Variants in YPEL5 observed in about 807,000 individuals in gnomAD.
The protein encoded by YPEL5 is protein yippee-like 5.
A neutral mutation model predicts 10.5 loss-of-function variants in YPEL5; 1 was observed. The observed-to-expected ratio is 0.10, with a 90% CI of 0.03 to 0.45. The LOEUF (loss-of-function observed/expected upper bound fraction) is 0.45, where lower values mean the gene tolerates loss of function less well. Among genes scored for constraint, YPEL5 ranks in the 20% least tolerant of loss-of-function variants. The pLI, the probability that YPEL5 is intolerant of heterozygous loss-of-function variation, is 0.97. For missense variants in YPEL5, 68 were observed against 159.3 expected, an observed-to-expected ratio of 0.43 and a Z score of 3.09; for synonymous variants, 61 against 56.6, an observed-to-expected ratio of 1.08 and a Z score of -0.35.
rs1444475987 is a variant in YPEL5 at position 30,159,442 on chromosome 2, AC to A, written c.*601del. 6.5e-6 allele frequency: 1 copy of A among 152,804 alleles called. No homozygotes were observed. Among genetic ancestry groups the A allele is most frequent in the Non-Finnish European group, 1.5e-5 (1 of 68,204 alleles). 9.5% of individuals were successfully genotyped at this position (152,804 alleles called of 1,614,324 possible). ...ATGTCACCATTCCTAGTTATTTGTC[AC>A]CACATAATTGGTGTTGATTGGAAAC... On this transcript the variant is annotated 3_prime_UTR_variant, in exon 3 of 3. Transcript: ENST00000261353.
At chr2:30,150,259 A>G (rs1180632233) in intron 1 of YPEL5, among the ~76,000 whole-genome samples, 3 of 152,228 alleles carry the variant, frequency 2.0e-5, no homozygotes, top group Admixed American at 2.0e-4. Context: ...GGGATGGGGA[A>G]TGTTGAAGAA....
chr2:30,154,368 G>T (rs1474468443), intron 1 of YPEL5, among the ~76,000 whole-genome samples: 1 of 151,992 alleles, frequency 6.6e-6, no homozygotes, highest in African/African-American at 2.4e-5. Context: ...ATTGGTTCAA[G>T]GACCAAAGAG....
intron 1 of YPEL5, chr2:30,156,356 A>G (rs965739885): frequency 3.3e-6 from 1 of 300,464 alleles, no homozygotes; most frequent in Non-Finnish European, 6.2e-6. Flanking sequence ...CACACCAGCC[A>G]TAAGAGAAGT....
At chr2:30,148,753 AAAAT>A (rs1484961954) in intron 1 of YPEL5, among the ~76,000 whole-genome samples, 3 of 152,232 alleles carry the variant, frequency 2.0e-5, no homozygotes, top group South Asian at 4.1e-4. Context: ...AGTAATGAGA[AAAAT>A]AAACAGGTTT....
intron 1 of YPEL5, among the ~76,000 whole-genome samples, chr2:30,148,826 A>C (rs748431994): frequency 3.3e-5 from 5 of 152,246 alleles, no homozygotes; most frequent in Non-Finnish European, 7.3e-5. Flanking sequence ...TAAAGCAGCT[A>C]CTACCCTCTG....
intron 1 of YPEL5, among the ~76,000 whole-genome samples, chr2:30,151,076 T>G (rs1675764965): frequency 6.6e-6 from 1 of 152,158 alleles, no homozygotes; most frequent in African/African-American, 2.4e-5. Context: ...CCTTCCCAGC[T>G]TTTAAGGAAA....
At chr2:30,151,879 CT>C (rs1269570584) in intron 1 of YPEL5, among the ~76,000 whole-genome samples, 3 of 152,170 alleles carry the variant, frequency 2.0e-5, no homozygotes, top group Admixed American at 2.0e-4. Context: ...CTGAAGAGAT[CT>C]GGGATTACTC....
At chr2:30,156,846 C>T in intron 2 of YPEL5, 54 bp downstream of exon 2, 1 of 1,595,290 alleles carries the variant, frequency 6.3e-7, no homozygotes, top group Non-Finnish European at 8.6e-7. Flanking sequence ...TATTTGACAG[C>T]AACACCAGAA....
intron 1 of YPEL5, among the ~76,000 whole-genome samples, chr2:30,150,946 A>G (rs1186058305): frequency 6.6e-6 from 1 of 152,184 alleles, no homozygotes; most frequent in Non-Finnish European, 1.5e-5. Flanking sequence ...CTCAAGTGTG[A>G]ATGTCATATA....
chr2:30,149,925 T>C (rs746419354), intron 1 of YPEL5, among the ~76,000 whole-genome samples: 4 of 152,244 alleles, frequency 2.6e-5, no homozygotes, highest in Admixed American at 6.5e-5. Flanking sequence ...ACTGGGTGTT[T>C]TTCCGTCAGA....
intron 1 of YPEL5, among the ~76,000 whole-genome samples, chr2:30,154,682 A>G (rs891529655): frequency 6.6e-6 from 1 of 152,246 alleles, no homozygotes; most frequent in Non-Finnish European, 1.5e-5. Flanking sequence ...TACCAAATGA[A>G]TTCAGCCTGT....
intron 2 of YPEL5, 51 bp downstream of exon 2, chr2:30,156,843 C>G: frequency 6.3e-7 from 1 of 1,597,452 alleles, no homozygotes; most frequent in Non-Finnish European, 8.6e-7. Context: ...CTGTATTTGA[C>G]AGCAACACCA....
In YPEL5 at chr2:30,159,353, T is replaced by C. The variant is rs1389336449; in HGVS notation, c.*510T>C. 1 of 154,342 alleles carries C rather than the reference T, an allele frequency of 6.5e-6. No individual in the cohort carries two copies. Among genetic ancestry groups the C allele is most frequent in the Non-Finnish European group, 1.4e-5 (1 of 69,230 alleles). 9.6% of individuals were successfully genotyped at this position (154,342 alleles called of 1,614,324 possible). On this transcript the variant is annotated 3_prime_UTR_variant, in exon 3 of 3. Transcript: ENST00000261353. ...ATGGCTTGTGCTGGCCGGTGTGCCA[T>C]ATTCTTGTTGGAGATGAACCGTAGC... is the stretch of plus-strand genomic sequence containing the variant.
In YPEL5 at chr2:30,156,684, T is replaced by G; in HGVS notation, c.33T>G (p.Gly11=). 1 of 1,614,192 alleles carries G rather than the reference T, an allele frequency of 6.2e-7. No homozygotes were observed. The highest frequency in any genetic ancestry group is 8.5e-7 in the Non-Finnish European group (1 of 1,180,020). Residue 11 remains glycine, a synonymous_variant, in exon 2 of 3, where the codon GGT becomes GGG. Coordinates refer to ENST00000261353, the MANE Select transcript of YPEL5 (RefSeq NM_016061.3). The stretch of plus-strand genomic sequence containing the variant: ...GAATTTTCCTTGATCATATCGGTGG[T>G]ACCCGTCTGTTTTCTTGTGCAAACT... The part of the protein sequence containing the change: MGRIFLDHIG[G]TRLFSCANCD...
chr2:30,156,403 C>G (rs1676041071), intron 1 of YPEL5: 4 of 431,538 alleles, frequency 9.3e-6, no homozygotes, highest in Non-Finnish European at 8.3e-6. Flanking sequence ...AGGTTTACTT[C>G]CTTGGCTCAC....
chr2:30,156,535 A>G, intron 1 of YPEL5, 93 bp from the exon 2 acceptor site: 1 of 1,162,374 alleles, frequency 8.6e-7, no homozygotes, highest in South Asian at 1.4e-5. Flanking sequence ...GATTACATAA[A>G]TACGTATACA....
intron 1 of YPEL5, among the ~76,000 whole-genome samples, chr2:30,152,884 T>G (rs1675868260): frequency 1.5e-4 from 1 of 6,650 alleles, no homozygotes; most frequent in Non-Finnish European, 2.6e-4. Context: ...TTAATGACTG[T>G]CCTTTGTTTT....
At chr2:30,148,258 A>G (rs1221752652) in intron 1 of YPEL5, 1 of 152,216 alleles carries the variant, frequency 6.6e-6, no homozygotes. Flanking sequence ...TCTGTTGGTA[A>G]TCTGAGGATT....
In YPEL5 at chr2:30,159,699, G is replaced by A. The variant is rs1046831655; in HGVS notation, c.*856G>A. On this transcript the variant is annotated 3_prime_UTR_variant, in exon 3 of 3. Transcript: ENST00000261353. ...TTCTTTGTTTAAATGAAAGCATACT[G>A]TTGAAACCCGCAGTGTTGCATTTAG... 4.6e-5 allele frequency: 7 copies of A among 152,070 alleles called. No homozygotes were observed. Among genetic ancestry groups the A allele is most frequent in the African/African-American group, 1.7e-4 (7 of 41,394 alleles). The allele number at this position is 152,070 out of a possible 1,614,324, so 9.4% of individuals were successfully genotyped here. A position where few individuals can be genotyped will look rare whatever the true frequency, so the allele number is the denominator to read the frequency against.
Sources: gnomAD v4.1 joint callset for allele counts (sites outside exome capture counted in the v4.1 genomes callset) on GRCh38, gnomAD v4.1.1 for gene constraint, MANE v1.5 for transcripts, NCBI Gene and HGNC (gene_info 2026-07-23, HGNC 2026-07-21) for gene names.